RBM45: variants seen among roughly 807,000 people sequenced by gnomAD.
RBM45 encodes the protein RNA-binding protein 45.
In RBM45, 39 loss-of-function variants were observed where a neutral mutation model predicts 58.5. The ratio of observed to expected loss-of-function variants is 0.67; its 90% confidence interval spans 0.52 to 0.87. The LOEUF is 0.87. Among genes scored for constraint, RBM45 ranks in the 40% least tolerant of loss-of-function variants. The pLI is 0.00. For missense variants in RBM45, 481 were observed against 581.6 expected (o/e 0.83, Z 1.78); for synonymous variants, 193 against 203.0 (o/e 0.95, Z 0.42).
At chr2:178,116,073 G>T (rs1574407817) in intron 1 of RBM45, among the ~76,000 whole-genome samples, 189 bp from the exon 2 acceptor site, 1 of 151,828 alleles carries the variant, frequency 6.6e-6, no homozygotes, top group Non-Finnish European at 1.5e-5. Flanking sequence ...GATCACTTGA[G>T]CCTAGAATGT....
At chr2:178,130,593 A>G (rs1045183558), downstream of RBM45, among the ~76,000 whole-genome samples, 24 of 151,636 alleles carry the variant, frequency 1.6e-4, no homozygotes, top group Admixed American at 6.6e-5. Context: ...AAACTTTAAC[A>G]AAAAAAAATT....
downstream of RBM45, among the ~76,000 whole-genome samples, chr2:178,130,820 A>G (rs2087998299): frequency 6.6e-6 from 1 of 152,258 alleles, no homozygotes; most frequent in Non-Finnish European, 1.5e-5. Flanking sequence ...TTGGAAAACT[A>G]AAATCTTTTC....
intron 1 of RBM45, among the ~76,000 whole-genome samples, chr2:178,114,925 CA>C (rs2087752968): frequency 6.6e-6 from 1 of 152,156 alleles, no homozygotes; most frequent in South Asian, 2.1e-4. Flanking sequence ...GAGCCATCTT[CA>C]ACTGGAACAC....
At chr2:178,125,806 G>A (rs937895932) in intron 8 of RBM45, 178 bp from the exon 9 acceptor site, 3 of 713,048 alleles carry the variant, frequency 4.2e-6, no homozygotes, top group Non-Finnish European at 7.8e-6. Context: ...TGGTCTGAAT[G>A]AGAAGAGAGA....
chr2:178,112,864 G>T lies in RBM45; in HGVS notation c.300+18G>T, dbSNP rs747781919. ...CCATCAAGGTGCGGGTGCCCGGGTC[G>T]GGGTGCCCTCGGGGGAAGGAGTGGG... On this transcript the variant is annotated intron_variant, in intron 1 of 9. Transcript: ENST00000286070. 1 of 1,597,612 alleles carries T rather than the reference G, an allele frequency of 6.3e-7. No homozygotes were observed. The highest frequency in any genetic ancestry group is 1.1e-5 in the South Asian group (1 of 90,556).
At chr2:178,120,686 C>G (rs2087838006) in intron 4 of RBM45, among the ~76,000 whole-genome samples, 1 of 152,040 alleles carries the variant, frequency 6.6e-6, no homozygotes, top group Non-Finnish European at 1.5e-5. Flanking sequence ...TTTGGGTGAG[C>G]TTCTGCCTCT....
In RBM45 at chr2:178,125,970, TC is replaced by T; in HGVS notation, c.1233-13del. 6.2e-7 allele frequency: 1 copy of T among 1,607,070 alleles called. No individual in the cohort carries two copies. Among genetic ancestry groups the T allele is most frequent in the Non-Finnish European group, 8.5e-7 (1 of 1,175,532 alleles). On this transcript the variant is annotated splice_polypyrimidine_tract_variant and intron_variant, in intron 8 of 9. Coordinates refer to ENST00000286070, the MANE Select transcript of RBM45 (RefSeq NM_152945.4). ...TATCAATTTTGGTTGATTATTTTTT[TC>T]ACTTTGTTTCAGTCGTTTTGGTAAC...
In RBM45 at chr2:178,118,057, G is replaced by A. The variant is rs370766338; in HGVS notation, c.426G>A (p.Val142=). Residue 142 remains valine (V), a splice_region_variant and synonymous_variant, in exon 3 of 10, where the codon GTG becomes GTA. Coordinates refer to ENST00000286070, the MANE Select transcript of RBM45 (RefSeq NM_152945.4). ...TEEDLREKFK[V]YGDIEYCSII... Reference sequence around the variant, plus strand: ...ATCATGTCTTTTAACTCTCTTAGGTGTATGGAGATATCGAGTATTGCAGCA... The same window carrying A: ...ATCATGTCTTTTAACTCTCTTAGGTATATGGAGATATCGAGTATTGCAGCA... The A allele has an allele frequency of 9.0e-5, 145 of 1,608,472 alleles. No homozygotes were observed. The highest frequency in any genetic ancestry group is 1.1e-4 in the Non-Finnish European group (134 of 1,176,922).
downstream of RBM45, among the ~76,000 whole-genome samples, chr2:178,131,300 G>T (rs1053998239): frequency 6.6e-6 from 1 of 152,184 alleles, no homozygotes; most frequent in Admixed American, 6.5e-5. Context: ...AAATATTTCT[G>T]CCAGGTGGTT....
intron 9 of RBM45, among the ~76,000 whole-genome samples, chr2:178,127,063 A>G (rs894573969): frequency 6.6e-6 from 1 of 151,972 alleles, no homozygotes; most frequent in South Asian, 2.1e-4. Flanking sequence ...CAGCTTCCCC[A>G]GTAGCTGGGA....
At chr2:178,115,355 T>G (rs1374490736) in intron 1 of RBM45, among the ~76,000 whole-genome samples, 2 of 152,222 alleles carry the variant, frequency 1.3e-5, no homozygotes, top group Non-Finnish European at 2.9e-5. Flanking sequence ...TCCAATTTCA[T>G]CTTACCTGAG....
downstream of RBM45, among the ~76,000 whole-genome samples, chr2:178,131,265 G>A (rs2088002087): frequency 6.6e-6 from 1 of 152,216 alleles, no homozygotes; most frequent in South Asian, 2.1e-4. Context: ...GCTCTGCCAT[G>A]TAACTAATGC....
At chr2:178,129,821 C>T (rs334056), downstream of RBM45, among the ~76,000 whole-genome samples, 3 of 152,090 alleles carry the variant, frequency 2.0e-5, no homozygotes, top group African/African-American at 7.2e-5. Flanking sequence ...ATAGTGTAAT[C>T]GACAACCTTA....
Position 178,112,819 on chromosome 2 carries a change from C to T in RBM45, c.273C>T (p.Leu91=), listed in dbSNP as rs1328568385. The change falls in exon 1 of 10, where the codon CTC becomes CTT. Residue 91 remains leucine (L), a synonymous_variant. Coordinates refer to ENST00000286070, the MANE Select transcript of RBM45 (RefSeq NM_152945.4). ...TGGAGGAGATGCATGGCCAGTGCCT[C>T]GGCCCCAACGACACCAAGCCCATCA... ...RAMEEMHGQC[L]GPNDTKPIKV... is the part of the protein sequence containing the mutation. 6.2e-7 allele frequency: 1 copy of T among 1,610,474 alleles called. No homozygotes were observed. Among genetic ancestry groups the T allele is most frequent in the South Asian group, 1.1e-5 (1 of 91,048 alleles).
downstream of RBM45, among the ~76,000 whole-genome samples, chr2:178,130,542 T>C (rs1248530519): frequency 6.6e-6 from 1 of 151,790 alleles, no homozygotes; most frequent in African/African-American, 2.4e-5. Context: ...TAAAACTAAA[T>C]AAAGATTAAA....
downstream of RBM45, among the ~76,000 whole-genome samples, chr2:178,130,980 G>A (rs1032112175): frequency 5.3e-5 from 8 of 152,206 alleles, no homozygotes; most frequent in African/African-American, 1.2e-4. Context: ...GCAGTGGCGC[G>A]ACTGTAGTCC....
rs1375801493 is a variant in RBM45 at position 178,120,317 on chromosome 2, A to C, written c.581A>C (p.Asn194Thr). 6.2e-7 allele frequency: 1 copy of C among 1,613,228 alleles called. No individual in the cohort carries two copies. The highest frequency in any genetic ancestry group is 8.5e-7 in the Non-Finnish European group (1 of 1,179,630). Residue 194 changes from asparagine to threonine, a missense_variant, in exon 4 of 10, where the codon AAT becomes ACT. Physicochemically the swap from Asn to Thr is moderately conservative, Grantham distance 65 (BLOSUM62 0). Coordinates refer to ENST00000286070, the MANE Select transcript of RBM45 (RefSeq NM_152945.4). The stretch of plus-strand genomic sequence containing the variant: ...AGAGCAATCTTGGCTGAACCTAAAA[A>C]TAAAGCATCTGAATCCTCTGAACAA... ...SFRAILAEPK[N>T]KASESSEQDY...
chr2:178,118,005 T>C, intron 2 of RBM45, 50 bp from the exon 3 acceptor site: 1 of 1,463,232 alleles, frequency 6.8e-7, no homozygotes, highest in Non-Finnish European at 9.1e-7. Flanking sequence ...TGAAATACTC[T>C]GTTCAATTAA....
chr2:178,137,063 T>C (rs974668566), exon 4 of RBM45: 1 of 152,192 alleles, frequency 6.6e-6, no homozygotes, highest in Non-Finnish European at 1.5e-5. Context: ...GAGTAGTGGA[T>C]AGATTCATTT....
Sources: allele counts gnomAD v4.1 joint callset (sites outside exome capture counted in the v4.1 genomes callset), GRCh38; gene constraint gnomAD v4.1.1; transcripts MANE v1.5; gene names NCBI Gene and HGNC (gene_info 2026-07-23, HGNC 2026-07-21).